The following IL20RB variants were observed in gnomAD, a reference collection of about 807,000 sequenced individuals.
IL20RB encodes interleukin-20 receptor subunit beta.
Under a neutral mutation model 33.3 loss-of-function variants are expected in IL20RB, and 21 were observed. The observed-to-expected ratio is 0.63, with a 90% confidence interval of 0.45 to 0.91. The LOEUF (loss-of-function observed/expected upper bound fraction) is 0.91, where lower values mean the gene tolerates loss of function less well. Among genes scored for constraint, IL20RB ranks in the 40% least tolerant of loss-of-function variants. IL20RB has a pLI of 0.00. For missense variants in IL20RB, 345 were observed against 384.8 expected (o/e 0.90, Z 0.86); for synonymous variants, 147 against 146.8 (o/e 1.00, Z -0.01).
At chr3:136,996,238 G>A (rs1425296995) in intron 6 of IL20RB, among the ~76,000 whole-genome samples, 1 of 152,090 alleles carries the variant, frequency 6.6e-6, no homozygotes, top group East Asian at 1.9e-4. Context: ...AAACACAAAA[G>A]CAGGCCTCCA....
At chr3:136,970,611 T>TTTCC (rs71134422) in intron 1 of IL20RB, among the ~76,000 whole-genome samples, 18,298 of 141,692 alleles carry the variant, frequency 0.13, 1,280 homozygotes, top group Middle Eastern at 0.18. Context: ...GTTATTCTAG[T>TTTCC]TTCCTTCCTT....
intron 5 of IL20RB, among the ~76,000 whole-genome samples, chr3:136,992,336 C>T (rs779486673): frequency 7.2e-5 from 11 of 152,218 alleles, no homozygotes; most frequent in Non-Finnish European, 1.0e-4. Context: ...TTAAAGCTTC[C>T]TAGGCCTGGG....
At position 136,980,815 on chromosome 3, in the gene IL20RB, A is replaced by G. The variant is rs1941753295; in HGVS notation, c.215+223A>G. Among the ~76,000 whole-genome samples, 3 of 152,216 alleles carry G rather than the reference A, an allele frequency of 2.0e-5. No homozygotes were observed. In the South Asian group the frequency reaches 6.2e-4, roughly 32 times the overall value. On this transcript the variant is annotated intron_variant, in intron 2 of 6. Coordinates refer to ENST00000329582, the MANE Select transcript of IL20RB (RefSeq NM_144717.4). ...CTCTGGGAAGATGAATGTGCATAACACATTTTGGTGGAGTTATTTTAAAAA... is the reference window on the plus strand; with the variant it reads ...CTCTGGGAAGATGAATGTGCATAACGCATTTTGGTGGAGTTATTTTAAAAA...
intron 6 of IL20RB, among the ~76,000 whole-genome samples, chr3:137,004,274 C>T (rs769659043): frequency 8.2e-4 from 125 of 152,272 alleles, no homozygotes; most frequent in Admixed American, 9.8e-4. Context: ...TGATGCTGGC[C>T]TCATAAAATG....
intron 6 of IL20RB, among the ~76,000 whole-genome samples, chr3:137,008,309 T>A (rs1009531361): frequency 1.3e-5 from 2 of 152,096 alleles, no homozygotes; most frequent in Non-Finnish European, 2.9e-5. Flanking sequence ...GAACTTGCAG[T>A]GCAATGAATG....
chr3:137,003,552 C>T (rs1942288269), intron 6 of IL20RB, among the ~76,000 whole-genome samples: 1 of 152,088 alleles, frequency 6.6e-6, no homozygotes, highest in Non-Finnish European at 1.5e-5. Flanking sequence ...GGAGTTCACT[C>T]ATTATTTGGC....
At chr3:137,009,178 A>G (rs138579651) in intron 6 of IL20RB, among the ~76,000 whole-genome samples, 2 of 152,304 alleles carry the variant, frequency 1.3e-5, no homozygotes, top group East Asian at 3.9e-4. Context: ...CTCCTGAGGA[A>G]CTGAGGTGGA....
chr3:137,007,126 A>C (rs1942364907), intron 6 of IL20RB, among the ~76,000 whole-genome samples: 1 of 152,210 alleles, frequency 6.6e-6, no homozygotes, highest in Admixed American at 6.5e-5. Flanking sequence ...ATTGCAGAAC[A>C]GCAAATATTG....
chr3:136,992,063 C>T lies in IL20RB; in HGVS notation c.657C>T (p.Ser219=), dbSNP rs760435996. 1 of 1,614,134 alleles carries T rather than the reference C, an allele frequency of 6.2e-7. No individual in the cohort carries two copies. The highest frequency in any genetic ancestry group is 1.3e-5 in the African/African-American group (1 of 75,046). ...CCATTGGGAGGTACAGCGCCTTCAG[C>T]CAGACAGAATGTGTGGAGGTGCAAG... is the stretch of plus-strand genomic sequence containing the variant. ...VKAIGRYSAF[S]QTECVEVQGE... Residue 219 remains serine, a synonymous_variant, in exon 5 of 7, where the codon AGC becomes AGT. Coordinates refer to ENST00000329582, the MANE Select transcript of IL20RB (RefSeq NM_144717.4).
chr3:136,994,093 G>A (rs1373375900), intron 5 of IL20RB, among the ~76,000 whole-genome samples: 1 of 152,032 alleles, frequency 6.6e-6, no homozygotes, highest in South Asian at 2.1e-4. Flanking sequence ...ACTGACTTAT[G>A]TATATAGTTG....
At chr3:137,008,164 T>A (rs1560079656) in intron 6 of IL20RB, among the ~76,000 whole-genome samples, 1 of 152,180 alleles carries the variant, frequency 6.6e-6, no homozygotes, top group Non-Finnish European at 1.5e-5. Flanking sequence ...AGCATAAAGA[T>A]GGTCCCAAAT....
chr3:137,007,301 G>T (rs144163039), intron 6 of IL20RB, among the ~76,000 whole-genome samples: 1,627 of 152,248 alleles, frequency 0.011, 31 homozygotes, highest in Non-Finnish European at 0.01. Context: ...GCTGTGCTGG[G>T]AGAACCACTG....
chr3:137,000,191 A>G (rs1439583148), intron 6 of IL20RB, among the ~76,000 whole-genome samples: 2 of 152,180 alleles, frequency 1.3e-5, no homozygotes, highest in Admixed American at 6.5e-5. Context: ...GAAAGACTCA[A>G]CTTTGGTCTC....
rs571926421 is a variant in IL20RB, at chr3:136,975,755, T to C, written c.89-4711T>C. 2.4e-3 allele frequency among the ~76,000 whole-genome samples: 359 copies of C among 152,316 alleles called. 3 individuals are homozygous for C. Among genetic ancestry groups the C allele is most frequent in the African/African-American group, 7.6e-3 (315 of 41,566 alleles). ...TGAAGTTGTGCTGTGGGATGCCAGA[T>C]GGGCTGGTCTACAGGCCCCAATTGT... On this transcript the variant is annotated intron_variant, in intron 1 of 6. Coordinates refer to ENST00000329582, the MANE Select transcript of IL20RB (RefSeq NM_144717.4).
intron 1 of IL20RB, chr3:136,959,187 T>C (rs543894679): frequency 1.1e-4 from 16 of 152,352 alleles, no homozygotes; most frequent in African/African-American, 3.8e-4. Context: ...TATATTTATT[T>C]AACCCTATTT....
At chr3:136,979,684 C>T (rs570718376) in intron 1 of IL20RB, among the ~76,000 whole-genome samples, 1 of 152,202 alleles carries the variant, frequency 6.6e-6, no homozygotes, top group South Asian at 2.1e-4. Context: ...ACTTGTGTCC[C>T]AGACTGGCTC....
chr3:136,986,040 G>A (rs1340434179), intron 3 of IL20RB, among the ~76,000 whole-genome samples: 1 of 152,060 alleles, frequency 6.6e-6, no homozygotes, highest in Non-Finnish European at 1.5e-5. Flanking sequence ...TGGATCACGA[G>A]GTCAGGAGAT....
intron 5 of IL20RB, among the ~76,000 whole-genome samples, chr3:136,992,695 A>G (rs1003419386): frequency 7.2e-5 from 11 of 152,126 alleles, no homozygotes; most frequent in African/African-American, 4.8e-5. Flanking sequence ...AAATAGAACT[A>G]TTTTTTTAAA....
intron 3 of IL20RB, among the ~76,000 whole-genome samples, chr3:136,983,388 G>A (rs563048131): frequency 4.5e-4 from 69 of 152,254 alleles, no homozygotes; most frequent in African/African-American, 1.5e-3. Flanking sequence ...GCGCCCGGCC[G>A]ACCAGGTCTA....
Sources: gnomAD v4.1 joint callset for allele counts (sites outside exome capture counted in the v4.1 genomes callset) on GRCh38, gnomAD v4.1.1 for gene constraint, MANE v1.5 for transcripts, NCBI Gene and HGNC (gene_info 2026-07-23, HGNC 2026-07-21) for gene names.